The following ROBO1 variants were observed in gnomAD, a reference collection of about 807,000 sequenced individuals.
The protein encoded by ROBO1 is roundabout guidance receptor 1.
A neutral mutation model predicts 195.9 loss-of-function variants in ROBO1; 149 were observed. The observed-to-expected ratio is 0.76, with a 90% confidence interval of 0.67 to 0.87. The LOEUF (loss-of-function observed/expected upper bound fraction) is 0.87. Among genes scored for constraint, ROBO1 ranks in the 40% least tolerant of loss-of-function variants. The pLI is 0.00. For missense variants in ROBO1, 1,933 were observed against 2,068.3 expected, an observed-to-expected ratio of 0.93 and a Z score of 1.27; for synonymous variants, 816 against 733.2, an observed-to-expected ratio of 1.11 and a Z score of -1.82.
At chr3:79,650,272 C>A (rs969297387) in intron 1 of ROBO1, among the ~76,000 whole-genome samples, 1 of 151,440 alleles carries the variant, frequency 6.6e-6, no homozygotes, top group African/African-American at 2.4e-5. Flanking sequence ...AATGTATAAT[C>A]ATATAGAATA....
At chr3:78,771,888 T>C (rs2083385147) in intron 4 of ROBO1, among the ~76,000 whole-genome samples, 1 of 152,128 alleles carries the variant, frequency 6.6e-6, no homozygotes, top group Non-Finnish European at 1.5e-5. Context: ...TTCCTTTCTA[T>C]TTAGGCTCAA....
chr3:79,160,227 T>TAA (rs570038219), intron 2 of ROBO1, among the ~76,000 whole-genome samples: 1 of 145,978 alleles, frequency 6.9e-6, no homozygotes, highest in Non-Finnish European at 1.5e-5. Flanking sequence ...TCATTGCCTT[T>TAA]AAAAAAATGT....
intron 3 of ROBO1, among the ~76,000 whole-genome samples, chr3:78,965,538 A>C (rs1173259689): frequency 6.6e-6 from 1 of 152,162 alleles, no homozygotes; most frequent in Non-Finnish European, 1.5e-5. Context: ...ATACATCAAA[A>C]AACTCTTCAG....
chr3:78,943,327 C>T (rs2040244363), intron 3 of ROBO1, among the ~76,000 whole-genome samples: 1 of 152,154 alleles, frequency 6.6e-6, no homozygotes, highest in African/African-American at 2.4e-5. Flanking sequence ...CCAGGCGCCA[C>T]TAAAGTGCAG....
intron 2 of ROBO1, among the ~76,000 whole-genome samples, chr3:79,263,191 T>C (rs2082972029): frequency 6.6e-6 from 1 of 152,092 alleles, no homozygotes; most frequent in Non-Finnish European, 1.5e-5. Context: ...TTTGAGAAAA[T>C]AGAAGCTATC....
intron 2 of ROBO1, among the ~76,000 whole-genome samples, chr3:79,518,773 G>A (rs1490339574): frequency 2.0e-5 from 3 of 151,776 alleles, no homozygotes. Context: ...CCGGGTTCAA[G>A]CAATTCTCCT....
intron 1 of ROBO1, among the ~76,000 whole-genome samples, chr3:79,740,998 A>C (rs1444179351): frequency 6.6e-6 from 1 of 152,198 alleles, no homozygotes; most frequent in Non-Finnish European, 1.5e-5. Flanking sequence ...GATAGTGCAG[A>C]TTGTTCAGTC....
chr3:79,287,874 G>GTT (rs139700664), intron 2 of ROBO1, among the ~76,000 whole-genome samples: 2 of 151,864 alleles, frequency 1.3e-5, no homozygotes, highest in Middle Eastern at 3.2e-3. Flanking sequence ...CAGTTATATA[G>GTT]TTTTTTTCTT....
intron 2 of ROBO1, among the ~76,000 whole-genome samples, chr3:79,182,720 A>C (rs1239849135): frequency 3.9e-5 from 6 of 152,164 alleles, no homozygotes; most frequent in African/African-American, 1.4e-4. Flanking sequence ...GTAGGTCCTA[A>C]AAGAGAAAAA....
intron 2 of ROBO1, among the ~76,000 whole-genome samples, chr3:79,405,544 T>A (rs1396930555): frequency 6.6e-6 from 1 of 152,196 alleles, no homozygotes; most frequent in African/African-American, 2.4e-5. Context: ...TGGTTACTAA[T>A]CTTTGTCTGG....
chr3:79,047,254 T>G (rs1345088575), intron 3 of ROBO1, among the ~76,000 whole-genome samples: 1 of 152,092 alleles, frequency 6.6e-6, no homozygotes, highest in Non-Finnish European at 1.5e-5. Context: ...ATGTGCCTAA[T>G]GAACTGGGTA....
At chr3:79,188,613 T>A (rs2081484292) in intron 2 of ROBO1, among the ~76,000 whole-genome samples, 1 of 151,684 alleles carries the variant, frequency 6.6e-6, no homozygotes, top group Non-Finnish European at 1.5e-5. Context: ...CTTTCACTCA[T>A]TCTTTTACAC....
chr3:79,117,287 T>C (rs774412193), intron 3 of ROBO1, among the ~76,000 whole-genome samples: 4 of 152,034 alleles, frequency 2.6e-5, no homozygotes, highest in Non-Finnish European at 5.9e-5. Flanking sequence ...GGAAAATTGC[T>C]TGAACCTTGG....
intron 4 of ROBO1, among the ~76,000 whole-genome samples, chr3:78,769,180 T>C (rs976761693): frequency 6.6e-6 from 1 of 152,160 alleles, no homozygotes. Context: ...ACCACTATTA[T>C]TGTGTTGCTC....
intron 18 of ROBO1, among the ~76,000 whole-genome samples, chr3:78,655,535 C>A (rs990308344): frequency 1.3e-5 from 2 of 152,178 alleles, no homozygotes; most frequent in Non-Finnish European, 2.9e-5. Context: ...GTCCCCACCC[C>A]ACAAGTGGAC....
chr3:79,550,194 AG>A lies in ROBO1; in HGVS notation c.88+39629del, dbSNP rs761766153. ...AAGAAAGAAAGAAAGAAAGAAAGAA[AG>A]GAAAAGAAAAGAAAAGAAAAGAAAA... is the stretch of plus-strand genomic sequence containing the variant. On this transcript the variant is annotated intron_variant, in intron 2 of 30. Transcript: ENST00000464233. Among the ~76,000 whole-genome samples the A allele has an allele frequency of 5.3e-3, 500 of 94,674 alleles. 2 individuals are homozygous for A. The highest frequency in any genetic ancestry group is 0.012 in the South Asian group (31 of 2,524). The allele number at this position is 94,674 out of a possible 152,430, so 62.1% of individuals were successfully genotyped here.
At chr3:79,032,990 G>T (rs1351555752) in intron 3 of ROBO1, among the ~76,000 whole-genome samples, 1 of 151,956 alleles carries the variant, frequency 6.6e-6, no homozygotes, top group Admixed American at 6.6e-5. Flanking sequence ...AGATGACACA[G>T]CTCAAAATAA....
chr3:78,891,131 G>A (rs1249173822), intron 4 of ROBO1, among the ~76,000 whole-genome samples: 1 of 152,146 alleles, frequency 6.6e-6, no homozygotes. Context: ...AAAGAGATGT[G>A]ATTACATTAC....
intron 2 of ROBO1, among the ~76,000 whole-genome samples, chr3:79,574,115 T>C (rs891394148): frequency 1.3e-5 from 2 of 152,092 alleles, no homozygotes; most frequent in African/African-American, 4.8e-5. Context: ...GCAGGTCGCT[T>C]ATAAGTGTTG....
Sources: gnomAD v4.1 joint callset for allele counts (sites outside exome capture counted in the v4.1 genomes callset) on GRCh38, gnomAD v4.1.1 for gene constraint, MANE v1.5 for transcripts, NCBI Gene and HGNC (gene_info 2026-07-23, HGNC 2026-07-21) for gene names.